RALYL: variants seen among roughly 807,000 people sequenced by gnomAD.
RALYL encodes RALY RNA binding protein like.
RALYL carries 29 observed loss-of-function variants against 35.1 expected under a neutral mutation model. The ratio of observed to expected loss-of-function variants is 0.83; its 90% confidence interval spans 0.61 to 1.13. The LOEUF (loss-of-function observed/expected upper bound fraction) is 1.13, where lower values mean the gene tolerates loss of function less well. Among genes scored for constraint, RALYL ranks in the 50% most tolerant of loss-of-function variants. RALYL has a pLI of 0.00. For missense variants in RALYL, 359 were observed against 360.4 expected (o/e 1.00, Z 0.03); for synonymous variants, 120 against 127.6 (o/e 0.94, Z 0.40).
rs1221258654 is a variant in RALYL, at chr8:84,467,955, A to G, written c.-23-61344A>G. ...TTTAAAGTCTGTTTTATCAGAGACT[A>G]GGATTGCAACCCCTGCCTTTTTTTG... On this transcript the variant is annotated intron_variant, in intron 1 of 8. Transcript: ENST00000521268. Among the ~76,000 whole-genome samples the G allele has an allele frequency of 2.1e-5, 3 of 139,798 alleles. No individual in the cohort carries two copies. The Admixed American group carries it at 2.2e-4, about 10-fold the overall frequency. 91.7% of individuals were successfully genotyped at this position (139,798 alleles called of 152,430 possible). A position where few individuals can be genotyped will look rare whatever the true frequency, so the allele number is the denominator to read the frequency against.
intron 5 of RALYL, among the ~76,000 whole-genome samples, chr8:84,852,451 A>G (rs1433720705): frequency 6.6e-6 from 1 of 152,188 alleles, no homozygotes; most frequent in African/African-American, 2.4e-5. Context: ...GACTGTTTTT[A>G]TACTATTTGA....
At chr8:84,711,921 C>T (rs1330926419) in intron 2 of RALYL, among the ~76,000 whole-genome samples, 2 of 152,034 alleles carry the variant, frequency 1.3e-5, no homozygotes, top group African/African-American at 4.8e-5. Context: ...TATTAATTCC[C>T]AAATTACTTC....
At chr8:84,869,736 G>A (rs990495707) in intron 6 of RALYL, among the ~76,000 whole-genome samples, 1 of 152,150 alleles carries the variant, frequency 6.6e-6, no homozygotes, top group African/African-American at 2.4e-5. Flanking sequence ...GATCTAGACA[G>A]TTAGCTGAAA....
chr8:84,873,492 T>C, intron 7 of RALYL, 95 bp downstream of exon 7: 1 of 663,198 alleles, frequency 1.5e-6, no homozygotes, highest in East Asian at 2.8e-5. Flanking sequence ...ACTGGCTGAG[T>C]TTAACAGTGT....
intron 6 of RALYL, among the ~76,000 whole-genome samples, chr8:84,872,095 G>A (rs1840292787): frequency 1.3e-5 from 2 of 152,140 alleles, no homozygotes; most frequent in Admixed American, 6.6e-5. Flanking sequence ...AAGTATCCAA[G>A]ATCTTGAAAC....
intron 2 of RALYL, among the ~76,000 whole-genome samples, chr8:84,666,250 C>T (rs1042124093): frequency 2.6e-5 from 4 of 152,112 alleles, no homozygotes; most frequent in East Asian, 1.9e-4. Flanking sequence ...GGCTTCATGA[C>T]CTGAGTCTTT....
intron 2 of RALYL, among the ~76,000 whole-genome samples, chr8:84,581,838 A>G (rs886832622): frequency 1.3e-5 from 2 of 152,180 alleles, no homozygotes; most frequent in Admixed American, 6.5e-5. Context: ...ACTGAGACAA[A>G]TTTCTCAATG....
chr8:84,546,193 T>C (rs1205780652), intron 2 of RALYL, among the ~76,000 whole-genome samples: 1 of 152,214 alleles, frequency 6.6e-6, no homozygotes, highest in East Asian at 1.9e-4. Context: ...TGGCGCAATC[T>C]CGGCTTACTG....
intron 1 of RALYL, among the ~76,000 whole-genome samples, chr8:84,446,948 A>G (rs566456882): frequency 4.6e-5 from 7 of 152,244 alleles, no homozygotes; most frequent in African/African-American, 1.7e-4. Flanking sequence ...TTTTATTTCT[A>G]TAATTCACAC....
chr8:84,870,951 G>C (rs1840080581), intron 6 of RALYL, among the ~76,000 whole-genome samples: 1 of 152,158 alleles, frequency 6.6e-6, no homozygotes, highest in Non-Finnish European at 1.5e-5. Flanking sequence ...AGGCAGCCAA[G>C]ACTATTTGTA....
chr8:84,713,914 CAT>C (rs896718151), intron 2 of RALYL, among the ~76,000 whole-genome samples: 25 of 151,090 alleles, frequency 1.7e-4, no homozygotes, highest in African/African-American at 5.8e-4. Flanking sequence ...CAGACATATA[CAT>C]GTTTCATATA....
chr8:84,694,139 G>A (rs148948570), intron 2 of RALYL, among the ~76,000 whole-genome samples: 2 of 151,880 alleles, frequency 1.3e-5, no homozygotes, highest in East Asian at 1.9e-4. Flanking sequence ...GAAATAAAAG[G>A]CATCCAAATT....
chr8:84,464,335 C>G (rs933373493), intron 1 of RALYL, among the ~76,000 whole-genome samples: 2 of 151,652 alleles, frequency 1.3e-5, no homozygotes, highest in Admixed American at 1.3e-4. Flanking sequence ...TATTCCCCTT[C>G]CTGTGTCCAT....
At chr8:84,431,697 G>C (rs2047164515) in intron 1 of RALYL, among the ~76,000 whole-genome samples, 1 of 152,066 alleles carries the variant, frequency 6.6e-6, no homozygotes, top group Non-Finnish European at 1.5e-5. Flanking sequence ...ATGTCCTCCA[G>C]GTTCATTCAT....
rs533722009 is a variant in RALYL, at chr8:84,667,855, A to G, written c.257-106724A>G. Among the ~76,000 whole-genome samples the G allele has an allele frequency of 6.0e-4, 91 of 152,254 alleles. 2 individuals carry two copies. The South Asian group carries it at 0.018, about 31-fold the overall frequency. On this transcript the variant is annotated intron_variant, in intron 2 of 8. Coordinates refer to ENST00000521268, the MANE Select transcript of RALYL (RefSeq NM_173848.7). ...GTGGGTGTTGGTGTTTAGGGACTCA[A>G]TCTGAAAACTTACCTGGAGTTATAT... is the stretch of plus-strand genomic sequence containing the variant.
At chr8:84,702,981 A>G (rs966719433) in intron 2 of RALYL, among the ~76,000 whole-genome samples, 3 of 152,150 alleles carry the variant, frequency 2.0e-5, no homozygotes, top group African/African-American at 7.2e-5. Context: ...GGATTCTTGA[A>G]GAGGGCAGGA....
chr8:84,184,739 C>G (rs1368991825), intron 1 of RALYL: 3 of 414,076 alleles, frequency 7.2e-6, no homozygotes, highest in African/African-American at 4.2e-5. Flanking sequence ...CGGCCGGGCA[C>G]TAGGCGGCCG....
chr8:84,442,572 G>A (rs2048448789), intron 1 of RALYL, among the ~76,000 whole-genome samples: 2 of 152,110 alleles, frequency 1.3e-5, no homozygotes, highest in South Asian at 4.1e-4. Flanking sequence ...TTCCATGAGA[G>A]CTCCTCTGGA....
intron 4 of RALYL, among the ~76,000 whole-genome samples, chr8:84,833,324 A>G (rs937092065): frequency 2.6e-5 from 4 of 152,170 alleles, no homozygotes; most frequent in African/African-American, 9.6e-5. Context: ...GACACTAAAA[A>G]TCATTTAATG....
Sources: allele counts gnomAD v4.1 joint callset (sites outside exome capture counted in the v4.1 genomes callset), GRCh38; gene constraint gnomAD v4.1.1; transcripts MANE v1.5; gene names NCBI Gene and HGNC (gene_info 2026-07-23, HGNC 2026-07-21).